The following OXR1 variants were observed in gnomAD, a reference collection of about 807,000 sequenced individuals.
OXR1 encodes oxidation resistance protein 1.
Under a neutral mutation model 104.6 loss-of-function variants are expected in OXR1, and 41 were observed. The ratio of observed to expected loss-of-function variants is 0.39; its 90% CI spans 0.31 to 0.51. The LOEUF (loss-of-function observed/expected upper bound fraction) is 0.51. Among genes scored for constraint, OXR1 ranks in the 20% least tolerant of loss-of-function variants. The pLI, the probability that OXR1 is intolerant of heterozygous loss-of-function variation, is 0.77. For missense variants in OXR1, 955 were observed against 1,031.9 expected, an observed-to-expected ratio of 0.93 and a Z score of 1.02; for synonymous variants, 348 against 348.4, an observed-to-expected ratio of 1.00 and a Z score of 0.01.
At chr8:106,720,188 C>T (rs577756781) in intron 11 of OXR1, among the ~76,000 whole-genome samples, 1 of 152,262 alleles carries the variant, frequency 6.6e-6, no homozygotes, top group African/African-American at 2.4e-5. Flanking sequence ...ATACCTTTTC[C>T]ACCATACCAA....
intron 3 of OXR1, among the ~76,000 whole-genome samples, chr8:106,564,423 C>T (rs541925718): frequency 1.3e-5 from 2 of 151,356 alleles, no homozygotes; most frequent in South Asian, 4.2e-4. Context: ...ACACACACAC[C>T]CCCGCCCCAC....
At chr8:106,608,097 T>C (rs1225017635) in intron 3 of OXR1, among the ~76,000 whole-genome samples, 2 of 152,136 alleles carry the variant, frequency 1.3e-5, no homozygotes, top group Admixed American at 6.5e-5. Flanking sequence ...ACCTGACCAA[T>C]GCAGTGAGAC....
At chr8:106,591,301 G>A (rs1300698463) in intron 3 of OXR1, among the ~76,000 whole-genome samples, 1 of 105,310 alleles carries the variant, frequency 9.5e-6, no homozygotes, top group Non-Finnish European at 1.9e-5. Context: ...GTGGGGGGAG[G>A]GGGGAGGGGG....
intron 3 of OXR1, among the ~76,000 whole-genome samples, chr8:106,614,930 T>C (rs543024761): frequency 2.0e-5 from 3 of 152,324 alleles, no homozygotes; most frequent in South Asian, 2.1e-4. Context: ...AGCCCTCCTT[T>C]GCATATTCCG....
At chr8:106,478,140 T>C (rs1166484856) in intron 2 of OXR1, among the ~76,000 whole-genome samples, 1 of 151,962 alleles carries the variant, frequency 6.6e-6, no homozygotes, top group Non-Finnish European at 1.5e-5. Context: ...GCTAGTGTCC[T>C]TATTGACCTT....
chr8:106,702,256 G>T (rs1254556899), intron 7 of OXR1, among the ~76,000 whole-genome samples: 1 of 152,098 alleles, frequency 6.6e-6, no homozygotes, highest in African/African-American at 2.4e-5. Context: ...CACCGTGCCT[G>T]CCCTGTATCA....
intron 5 of OXR1, 58 bp from the exon 6 acceptor site, chr8:106,684,188 C>A: frequency 1.2e-6 from 1 of 813,418 alleles, no homozygotes; most frequent in Non-Finnish European, 2.1e-6. Flanking sequence ...TTATAGAACA[C>A]CATCTAATTA....
chr8:106,725,477 T>G (rs1005304250), intron 11 of OXR1, among the ~76,000 whole-genome samples: 12 of 152,354 alleles, frequency 7.9e-5, no homozygotes, highest in Admixed American at 6.5e-5. Context: ...TATTTAATCT[T>G]TAAAAAATTC....
chr8:106,515,287 A>C (rs918743034), intron 2 of OXR1, among the ~76,000 whole-genome samples: 3 of 152,128 alleles, frequency 2.0e-5, no homozygotes, highest in Non-Finnish European at 4.4e-5. Flanking sequence ...TAACATATGC[A>C]TTACCTCACA....
At chr8:106,724,503 A>G (rs1833142827) in intron 11 of OXR1, among the ~76,000 whole-genome samples, 1 of 152,178 alleles carries the variant, frequency 6.6e-6, no homozygotes, top group Non-Finnish European at 1.5e-5. Flanking sequence ...AATAGCTTAA[A>G]CCTGTTGTTT....
intron 9 of OXR1, among the ~76,000 whole-genome samples, chr8:106,708,859 T>C (rs1831414524): frequency 6.6e-6 from 1 of 152,082 alleles, no homozygotes; most frequent in Non-Finnish European, 1.5e-5. Context: ...CTGTTTTCCA[T>C]AGTGGCTGCA....
At chr8:106,325,168 C>T (rs951467206) in intron 1 of OXR1, among the ~76,000 whole-genome samples, 1 of 152,142 alleles carries the variant, frequency 6.6e-6, no homozygotes, top group African/African-American at 2.4e-5. Flanking sequence ...ATCTTTCTCC[C>T]CCAATAGAAC....
At chr8:106,547,643 T>A (rs556623002) in intron 3 of OXR1, among the ~76,000 whole-genome samples, 7 of 151,892 alleles carry the variant, frequency 4.6e-5, no homozygotes, top group African/African-American at 1.7e-4. Flanking sequence ...CAGGTGCACA[T>A]GACCATGCCC....
intron 1 of OXR1, among the ~76,000 whole-genome samples, chr8:106,339,541 TATATATATATATATAA>T (rs1815147986): frequency 1.0e-5 from 1 of 99,230 alleles, no homozygotes; most frequent in African/African-American, 4.8e-5. Context: ...TATATATATA[TATATATATATATATAA>T]AACGAAATCA....
intron 3 of OXR1, among the ~76,000 whole-genome samples, chr8:106,661,995 T>C (rs923170501): frequency 1.3e-5 from 2 of 152,190 alleles, no homozygotes; most frequent in African/African-American, 2.4e-5. Flanking sequence ...GGTCCACTTT[T>C]TCATTTTAGT....
intron 6 of OXR1, among the ~76,000 whole-genome samples, chr8:106,691,623 T>C (rs1829291841): frequency 2.1e-5 from 3 of 139,764 alleles, no homozygotes; most frequent in East Asian, 2.1e-4. Context: ...TATATACATA[T>C]ATATATATAT....
intron 1 of OXR1, among the ~76,000 whole-genome samples, chr8:106,299,492 C>G (rs1453620656): frequency 6.6e-6 from 1 of 152,054 alleles, no homozygotes; most frequent in Non-Finnish European, 1.5e-5. Context: ...TTGTAGTTTT[C>G]AGAATGTAAT....
At chr8:106,289,048 C>T (rs1284431454) in intron 1 of OXR1, among the ~76,000 whole-genome samples, 5 of 152,030 alleles carry the variant, frequency 3.3e-5, no homozygotes, top group East Asian at 1.9e-4. Flanking sequence ...ACATCTATGA[C>T]GAACTCACAG....
chr8:106,465,681 A>G (rs1821137243), intron 2 of OXR1, among the ~76,000 whole-genome samples: 1 of 151,992 alleles, frequency 6.6e-6, no homozygotes, highest in Admixed American at 6.6e-5. Context: ...GAGAAAGAAC[A>G]GGAATGATAC....
Sources: gnomAD v4.1 joint callset for allele counts (sites outside exome capture counted in the v4.1 genomes callset) on GRCh38, gnomAD v4.1.1 for gene constraint, MANE v1.5 for transcripts, NCBI Gene and HGNC (gene_info 2026-07-23, HGNC 2026-07-21) for gene names.